Variants in B3GLCT observed in about 807,000 individuals in gnomAD.
B3GLCT encodes beta 3-glucosyltransferase.
In B3GLCT, 65 loss-of-function variants were observed where a neutral mutation model predicts 63.4. The ratio of observed to expected loss-of-function variants is 1.03; its 90% CI spans 0.84 to 1.26. The LOEUF is 1.26. B3GLCT is among the 50% of genes most tolerant of loss of function. The pLI is 0.00. For synonymous variants in B3GLCT, 233 were observed against 219.2 expected, an observed-to-expected ratio of 1.06 and a Z score of -0.55; for missense variants, 577 against 604.8, an observed-to-expected ratio of 0.95 and a Z score of 0.48.
intron 12 of B3GLCT, among the ~76,000 whole-genome samples, chr13:31,288,475 G>A (rs1020237612): frequency 1.3e-5 from 2 of 152,308 alleles, no homozygotes; most frequent in South Asian, 2.1e-4. Flanking sequence ...ACCACAGCCA[G>A]CATAAGCTGC....
intron 11 of B3GLCT, 55 bp from the exon 12 acceptor site, chr13:31,286,665 T>C: frequency 8.5e-7 from 1 of 1,170,038 alleles, no homozygotes; most frequent in Admixed American, 1.9e-5. Flanking sequence ...ATGAACAAAT[T>C]CTATATATTT....
intron 12 of B3GLCT, among the ~76,000 whole-genome samples, chr13:31,317,133 G>A (rs1322254122): frequency 6.6e-6 from 1 of 152,136 alleles, no homozygotes; most frequent in Non-Finnish European, 1.5e-5. Flanking sequence ...TCCTTTTTAG[G>A]CCATCAGGAA....
chr13:31,270,114 C>A lies in B3GLCT; in HGVS notation c.660+837C>A, dbSNP rs917124817. On this transcript the variant is annotated intron_variant, in intron 8 of 14. Coordinates refer to ENST00000343307, the MANE Select transcript of B3GLCT (RefSeq NM_194318.4). ...CATCTGTGACCAGTTATTCTAGAGG[C>A]AGGTGGCAGTTGTCCCATCATTAAT... 8.5e-5 allele frequency among the ~76,000 whole-genome samples: 13 copies of A among 152,182 alleles called. No homozygotes were observed. The East Asian group carries it at 2.5e-3, about 29-fold the overall frequency.
intron 4 of B3GLCT, among the ~76,000 whole-genome samples, chr13:31,231,727 G>A (rs191296534): frequency 2.6e-4 from 39 of 152,290 alleles, no homozygotes; most frequent in Admixed American, 2.2e-3. Context: ...ATGTGGGTAC[G>A]TTTTGGTGGG....
intron 12 of B3GLCT, among the ~76,000 whole-genome samples, chr13:31,289,356 T>C (rs949840131): frequency 1.3e-5 from 2 of 152,110 alleles, no homozygotes; most frequent in Admixed American, 6.6e-5. Flanking sequence ...ATGTCCCAAA[T>C]GTAGCAAAAG....
rs56020130 is a variant in B3GLCT at position 31,240,478 on chromosome 13, C to CTTT, written c.271-6534_271-6532dup. ...CCCTTGCCTCTTTAGTTTTTTTTTT[C>CTTT]TTTTTTTTTTTTTATATTAAAAACA... On this transcript the variant is annotated intron_variant, in intron 4 of 14. Transcript: ENST00000343307. Among the ~76,000 whole-genome samples the CTTT allele has an allele frequency of 1.2e-4, 17 of 138,900 alleles. 1 individual carries two copies. Among genetic ancestry groups the CTTT allele is most frequent in the Admixed American group, 2.9e-4 (4 of 14,000 alleles). The allele number at this position is 138,900 out of a possible 152,430, so 91.1% of individuals were successfully genotyped here. A position where few individuals can be genotyped will look rare whatever the true frequency, so the allele number is the denominator to read the frequency against.
At chr13:31,223,188 G>A (rs1869912078) in intron 3 of B3GLCT, among the ~76,000 whole-genome samples, 197 bp downstream of exon 3, 1 of 152,214 alleles carries the variant, frequency 6.6e-6, no homozygotes, top group South Asian at 2.1e-4. Context: ...ATGTTGGCAT[G>A]TGGTGGATTT....
At chr13:31,329,094 C>T (rs868199633) in intron 14 of B3GLCT, among the ~76,000 whole-genome samples, 1 of 152,180 alleles carries the variant, frequency 6.6e-6, no homozygotes, top group Non-Finnish European at 1.5e-5. Context: ...CTGAGAAATC[C>T]TTGTCCCAGC....
chr13:31,272,139 C>T (rs561484176), intron 8 of B3GLCT, among the ~76,000 whole-genome samples: 1 of 151,686 alleles, frequency 6.6e-6, no homozygotes, highest in South Asian at 2.1e-4. Flanking sequence ...GCAAATTTAC[C>T]TTTATGTTGA....
intron 11 of B3GLCT, 95 bp from the exon 12 acceptor site, chr13:31,286,625 G>T: frequency 1.2e-6 from 1 of 853,346 alleles, no homozygotes; most frequent in South Asian, 1.8e-5. Context: ...TGGCATGTAA[G>T]CTCTTAGAAC....
At chr13:31,242,809 C>G (rs1007807869) in intron 4 of B3GLCT, among the ~76,000 whole-genome samples, 2 of 152,200 alleles carry the variant, frequency 1.3e-5, no homozygotes, top group Non-Finnish European at 2.9e-5. Flanking sequence ...AATATTTTAT[C>G]TTGTTAGGAA....
chr13:31,323,708 G>A (rs1415148365), intron 13 of B3GLCT, 43 bp from the exon 14 acceptor site: 1 of 1,612,890 alleles, frequency 6.2e-7, no homozygotes, highest in African/African-American at 1.3e-5. Flanking sequence ...AGCGGTGTCT[G>A]TGGAGCTTCT....
rs779522705 is a variant in B3GLCT at position 31,274,486 on chromosome 13, G to T, written c.661-23G>T. 4 of 1,614,106 alleles carry T rather than the reference G, an allele frequency of 2.5e-6. No homozygotes were observed. The South Asian group carries it at 4.4e-5, about 18-fold the overall frequency. On this transcript the variant is annotated intron_variant, in intron 8 of 14. Transcript: ENST00000343307. ...GTGTTGACTGAGTTCTTTCATCACT[G>T]CCTGTCTCCTGTCTCGTGGCAGATT...
chr13:31,293,376 G>T (rs1236857618), intron 12 of B3GLCT, among the ~76,000 whole-genome samples: 2 of 152,148 alleles, frequency 1.3e-5, no homozygotes, highest in African/African-American at 4.8e-5. Flanking sequence ...CTGTCTCGTT[G>T]ATCTGTCTAA....
At chr13:31,324,033 T>A in intron 14 of B3GLCT, 138 bp downstream of exon 14, 1 of 1,129,094 alleles carries the variant, frequency 8.9e-7, no homozygotes, top group Non-Finnish European at 1.3e-6. Flanking sequence ...GGAATGTCCT[T>A]AACCAGGACT....
At chr13:31,202,576 G>A (rs1026586321) in intron 1 of B3GLCT, among the ~76,000 whole-genome samples, 3 of 152,172 alleles carry the variant, frequency 2.0e-5, no homozygotes, top group African/African-American at 7.2e-5. Flanking sequence ...AGGATGGTGG[G>A]GTGGTGGTGG....
Position 31,256,386 on chromosome 13 carries a change from T to C in B3GLCT, c.460-4560T>C, listed in dbSNP as rs180670681. Among the ~76,000 whole-genome samples the C allele has an allele frequency of 2.0e-5, 3 of 152,306 alleles. No individual in the cohort carries two copies. The East Asian group carries it at 5.8e-4, about 29-fold the overall frequency. On this transcript the variant is annotated intron_variant, in intron 6 of 14. Transcript: ENST00000343307. ...ACAGTGTGGCGATTCCTCAAGGATC[T>C]AGAAATACGATTTGACCCAGCAATC...
intron 4 of B3GLCT, 50 bp from the exon 5 acceptor site, chr13:31,246,973 T>TTTTTTTTGTG: frequency 8.1e-7 from 1 of 1,235,778 alleles, no homozygotes; most frequent in South Asian, 1.3e-5. Context: ...TTTTACTTTT[T>TTTTTTTTGTG]TTCGGAGTAG....
In B3GLCT at chr13:31,330,320, T is replaced by C. The variant is rs887722329; in HGVS notation, c.*652T>C. On this transcript the variant is annotated 3_prime_UTR_variant, in exon 15 of 15. Transcript: ENST00000343307. ...TGTGCCTCATAAAAAGAGAATGAGG[T>C]CTTCTGCTAGAGCTTCGTATTGCTT... 2 of 152,240 alleles carry C rather than the reference T, an allele frequency of 1.3e-5. No homozygotes were observed. The highest frequency in any genetic ancestry group is 4.8e-5 in the African/African-American group (2 of 41,440). The allele number at this position is 152,240 out of a possible 1,614,324, so 9.4% of individuals were successfully genotyped here.
Sources: gnomAD v4.1 joint callset for allele counts (sites outside exome capture counted in the v4.1 genomes callset) on GRCh38, gnomAD v4.1.1 for gene constraint, MANE v1.5 for transcripts, NCBI Gene and HGNC (gene_info 2026-07-23, HGNC 2026-07-21) for gene names.